The following VPS11 variants were observed in gnomAD, a reference collection of about 807,000 sequenced individuals.
The protein encoded by VPS11 is VPS11 core subunit of CORVET and HOPS complexes, also known as vacuolar protein sorting-associated protein 11 homolog.
VPS11 carries 51 observed loss-of-function variants against 106.8 expected under a neutral mutation model. The ratio of observed to expected loss-of-function variants is 0.48; its 90% CI spans 0.38 to 0.60. The LOEUF is 0.60. Among genes scored for constraint, VPS11 ranks in the 20% least tolerant of loss-of-function variants. The pLI is 0.00. For missense variants in VPS11, 950 were observed against 1,190.0 expected, an observed-to-expected ratio of 0.80 and a Z score of 2.97; for synonymous variants, 453 against 458.7, an observed-to-expected ratio of 0.99 and a Z score of 0.16.
Position 119,078,911 on chromosome 11 carries a change from T to A in VPS11, c.2180T>A (p.Phe727Tyr). The A allele has an allele frequency of 6.2e-7, 1 of 1,613,976 alleles. No homozygotes were observed. The highest frequency in any genetic ancestry group is 8.5e-7 in the Non-Finnish European group (1 of 1,179,880). ...PSLWEQALSY[F>Y]ARKEEDCKEY... Reference sequence around the variant, plus strand: ...TTGTGGGAGCAGGCCCTCAGCTACTTCGCTCGCAAGGAGGAGGACTGCAAG... The same window carrying A: ...TTGTGGGAGCAGGCCCTCAGCTACTACGCTCGCAAGGAGGAGGACTGCAAG... The change falls in exon 13 of 16, where the codon TTC becomes TAC. Residue 727 changes from phenylalanine to tyrosine, a missense_variant. Physicochemically the swap from Phe to Tyr is conservative, Grantham distance 22. This residue lies in a region of VPS11 where 453 missense variants were observed against 514.6 expected (regional missense o/e 0.88). Coordinates refer to ENST00000621676, the MANE Select transcript of VPS11 (RefSeq NM_021729.6).
At position 119,073,036 on chromosome 11, in the gene VPS11, C is replaced by T; in HGVS notation, c.885-162C>T. On this transcript the variant is annotated intron_variant, in intron 5 of 15. Transcript: ENST00000621676. Reference sequence around the variant, plus strand: ...GGGTAAGATCAGGTTTATGTGTTCTCTATGTACAACTACCGGCACAGCGCT... The same window carrying T: ...GGGTAAGATCAGGTTTATGTGTTCTTTATGTACAACTACCGGCACAGCGCT... 2.7e-6 allele frequency: 2 copies of T among 735,006 alleles called. 1 individual carries two copies. Among genetic ancestry groups the T allele is most frequent in the East Asian group, 5.4e-5 (2 of 36,904 alleles). The allele number at this position is 735,006 out of a possible 1,614,324, so 45.5% of individuals were successfully genotyped here.
chr11:119,077,037 G>C lies in VPS11; in HGVS notation c.1379G>C (p.Cys460Ser). ...NADHTTLLLNCYTKLKDSSKL... is the reference protein window; with the variant it reads ...NADHTTLLLNSYTKLKDSSKL... The stretch of plus-strand genomic sequence containing the variant: ...GACCATACCACCCTGCTCCTCAACT[G>C]CTATACCAAGCTCAAGGACAGCTCG... The change falls in exon 8 of 16, where the codon TGC becomes TCC. Residue 460 changes from cysteine to serine, a missense_variant. Coordinates refer to ENST00000621676, the MANE Select transcript of VPS11 (RefSeq NM_021729.6). 6.2e-7 allele frequency: 1 copy of C among 1,613,714 alleles called. No individual in the cohort carries two copies. Among genetic ancestry groups the C allele is most frequent in the Non-Finnish European group, 8.5e-7 (1 of 1,179,762 alleles).
chr11:119,078,015 T>C lies in VPS11; in HGVS notation c.1710T>C (p.Asp570=), dbSNP rs547189232. ...AGTTGCTGAAGGGACTTTGTACTGATTATCGGCCCAGCCTCGAAGGCCGCA... is the reference window on the plus strand; with the variant it reads ...AGTTGCTGAAGGGACTTTGTACTGACTATCGGCCCAGCCTCGAAGGCCGCA... ...TTQLLKGLCT[D]YRPSLEGRSD... is the part of the protein sequence containing the mutation. Residue 570 remains aspartate (D), a synonymous_variant, in exon 10 of 16, where the codon GAT becomes GAC. Transcript: ENST00000621676. The C allele has an allele frequency of 6.2e-7, 1 of 1,613,446 alleles. No homozygotes were observed. Among genetic ancestry groups the C allele is most frequent in the East Asian group, 2.2e-5 (1 of 44,884 alleles).
At chr11:119,075,816 C>G (rs973451739) in intron 7 of VPS11, among the ~76,000 whole-genome samples, 3 of 151,250 alleles carry the variant, frequency 2.0e-5, no homozygotes, top group Admixed American at 2.0e-4. Context: ...GCAGGAGATT[C>G]ACTTGAACCT....
intron 5 of VPS11, chr11:119,072,365 T>C (rs1227213947): frequency 6.4e-6 from 1 of 157,274 alleles, no homozygotes; most frequent in Admixed American, 6.0e-5. Context: ...CATACTAGAA[T>C]GCTCCAGGGA....
At chr11:119,075,264 CA>C (rs533933871) in intron 7 of VPS11, among the ~76,000 whole-genome samples, 28 of 144,212 alleles carry the variant, frequency 1.9e-4, no homozygotes, top group South Asian at 2.2e-4. Flanking sequence ...AGGACTGTCT[CA>C]AAAAAAAAAA....
chr11:119,081,163 T>C lies in VPS11; in HGVS notation c.2510T>C (p.Leu837Pro). The C allele has an allele frequency of 6.2e-7, 1 of 1,614,084 alleles. No individual in the cohort carries two copies. Among genetic ancestry groups the C allele is most frequent in the Non-Finnish European group, 8.5e-7 (1 of 1,179,910 alleles). Residue 837 changes from leucine to proline, a missense_variant, in exon 15 of 16, where the codon CTG becomes CCG. By Grantham distance (98) the Leu-to-Pro change is moderately conservative. This residue lies in a region of VPS11 where 453 missense variants were observed against 514.6 expected (regional missense o/e 0.88). Coordinates refer to ENST00000621676, the MANE Select transcript of VPS11 (RefSeq NM_021729.6). ...TTGGAGTTGCCCTCAGTCCACTTCC[T>C]GTGTGGCCACTCCTTCCACCAACAC... ...SALELPSVHF[L>P]CGHSFHQHCF...
rs369389837 is a variant in VPS11 at position 119,070,391 on chromosome 11, C to T, written c.630C>T (p.Asn210=). The part of the protein sequence containing the change: ...TTHLFVVTTE[N]VQSYIVSGKD... ...ACTTGTTTGTTGTGACAACAGAGAA[C>T]GTCCAGGTATGACCAAGGCCTCCAC... Residue 210 remains asparagine, a synonymous_variant, in exon 4 of 16, where the codon AAC becomes AAT. Transcript: ENST00000621676. The T allele has an allele frequency of 9.9e-6, 16 of 1,612,186 alleles. No individual in the cohort carries two copies. The highest frequency in any genetic ancestry group is 5.0e-5 in the Admixed American group (3 of 59,890).
Position 119,081,583 on chromosome 11 carries a change from T to G in VPS11, c.2786T>G (p.Leu929Arg), listed in dbSNP as rs1451993436. Residue 929 changes from leucine to arginine, a missense_variant, in exon 16 of 16, where the codon CTG becomes CGG. Coordinates refer to ENST00000621676, the MANE Select transcript of VPS11 (RefSeq NM_021729.6). ...ARLTSSLEAG[L>R]QRDLLMHSRR... Reference sequence around the variant, plus strand: ...CTGACCTCCAGCCTGGAGGCTGGGCTGCAACGCGACCTACTCATGCACTCC... The same window carrying G: ...CTGACCTCCAGCCTGGAGGCTGGGCGGCAACGCGACCTACTCATGCACTCC... 6.2e-7 allele frequency: 1 copy of G among 1,613,988 alleles called. No individual in the cohort carries two copies. Among genetic ancestry groups the G allele is most frequent in the Admixed American group, 1.7e-5 (1 of 60,022 alleles).
chr11:119,078,701 A>G lies in VPS11; in HGVS notation c.2060A>G (p.Lys687Arg). ...GTCCTTTACCTTTATGAGCAGGGGA[A>G]GCTGTAAGAGTTTGGGGAATTTCAG... is the stretch of plus-strand genomic sequence containing the variant. ...DGVLYLYEQGKLFQQIMHYHM... is the reference protein window; with the variant it reads ...DGVLYLYEQGRLFQQIMHYHM... Residue 687 changes from lysine (K) to arginine (R), a missense_variant, in exon 12 of 16, where the codon AAG becomes AGG. Coordinates refer to ENST00000621676, the MANE Select transcript of VPS11 (RefSeq NM_021729.6). 1 of 1,610,736 alleles carries G rather than the reference A, an allele frequency of 6.2e-7. No individual in the cohort carries two copies. The highest frequency in any genetic ancestry group is 8.5e-7 in the Non-Finnish European group (1 of 1,177,784).
Position 119,077,963 on chromosome 11 carries a change from T to C in VPS11, c.1658T>C (p.Met553Thr), listed in dbSNP as rs1288665310. The C allele has an allele frequency of 5.0e-6, 8 of 1,613,884 alleles. No individual in the cohort carries two copies. The highest frequency in any genetic ancestry group is 1.7e-5 in the Admixed American group (1 of 60,012). The part of the protein sequence containing the change: ...SNMKRYGKIL[M>T]HHIPEQTTQL... ...ATGAAGCGCTACGGCAAGATCCTCA[T>C]GCACCACATACCAGAGCAGACAACT... is the stretch of plus-strand genomic sequence containing the variant. The change falls in exon 10 of 16, where the codon ATG becomes ACG. Residue 553 changes from methionine to threonine, a missense_variant. Physicochemically the swap from Met to Thr is moderately conservative, Grantham distance 81. Transcript: ENST00000621676.
At chr11:119,077,355 GAA>G (rs1945662179) in intron 8 of VPS11, 144 bp from the exon 9 acceptor site, 2 of 1,251,130 alleles carry the variant, frequency 1.6e-6, no homozygotes, top group Admixed American at 2.7e-5. Flanking sequence ...ACTTTAGTCA[GAA>G]ACTCCCACAG....
intron 1 of VPS11, 111 bp from the exon 2 acceptor site, chr11:119,069,085 G>A: frequency 7.3e-7 from 1 of 1,376,594 alleles, no homozygotes; most frequent in African/African-American, 1.5e-5. Flanking sequence ...TAAGGAGTAT[G>A]TGGGAAAATC....
Position 119,081,077 on chromosome 11 carries a change from C to T in VPS11, c.2439-15C>T, listed in dbSNP as rs1325149644. The T allele has an allele frequency of 1.2e-6, 2 of 1,611,446 alleles. No homozygotes were observed. The highest frequency in any genetic ancestry group is 2.7e-5 in the African/African-American group (2 of 74,902). On this transcript the variant is annotated splice_polypyrimidine_tract_variant and intron_variant, in intron 14 of 15. Transcript: ENST00000621676. ...CTCACTTTTGCCACTCACTTCTGGT[C>T]TTTCTTCCCTGTAGTCCTAAGATTT...
rs1284127268 is a variant in VPS11, at chr11:119,081,681, A to G, written c.*58A>G. ...GGACCAAGAGAACAGACACAATGGG[A>G]CCTGGGCGGGCGTTACACAGAAGGC... On this transcript the variant is annotated 3_prime_UTR_variant, in exon 16 of 16. Coordinates refer to ENST00000621676, the MANE Select transcript of VPS11 (RefSeq NM_021729.6). The G allele has an allele frequency of 6.3e-7, 1 of 1,587,382 alleles. No homozygotes were observed. Among genetic ancestry groups the G allele is most frequent in the Non-Finnish European group, 8.6e-7 (1 of 1,165,302 alleles).
chr11:119,076,918 A>G lies in VPS11; in HGVS notation c.1260A>G (p.Pro420=), dbSNP rs781848143. 2 of 1,614,018 alleles carry G rather than the reference A, an allele frequency of 1.2e-6. No individual in the cohort carries two copies. The highest frequency in any genetic ancestry group is 1.1e-5 in the South Asian group (1 of 91,070). The change falls in exon 8 of 16, where the codon CCA becomes CCG. Residue 420 remains proline, a synonymous_variant. Transcript: ENST00000621676. ...QYIRTIGKLE[P]SYVIRKFLDA... Reference sequence around the variant, plus strand: ...CTAGAACCATTGGAAAGTTGGAGCCATCCTACGTGATCCGCAAGTTTCTGG... The same window carrying G: ...CTAGAACCATTGGAAAGTTGGAGCCGTCCTACGTGATCCGCAAGTTTCTGG...
At chr11:119,070,475 A>G in intron 4 of VPS11, 78 bp downstream of exon 4, 1 of 1,392,154 alleles carries the variant, frequency 7.2e-7, no homozygotes, top group Non-Finnish European at 9.6e-7. Context: ...TAATGAAGTG[A>G]CAGGAAAGGT....
intron 2 of VPS11, 29 bp downstream of exon 2, chr11:119,069,373 T>A (rs1287968315): frequency 1.2e-6 from 2 of 1,613,848 alleles, no homozygotes; most frequent in East Asian, 2.2e-5. Context: ...ATGGGAAAGA[T>A]CCAGAAGCCT....
intron 1 of VPS11, among the ~76,000 whole-genome samples, chr11:119,068,844 C>T (rs1945236795): frequency 6.6e-6 from 1 of 151,868 alleles, no homozygotes; most frequent in Admixed American, 6.6e-5. Flanking sequence ...CTCCGCCTCC[C>T]GGGTTCAAGC....
Sources: allele counts gnomAD v4.1 joint callset (sites outside exome capture counted in the v4.1 genomes callset), GRCh38; gene constraint gnomAD v4.1.1; regional missense constraint gnomAD v4.1.1; transcripts MANE v1.5; gene names NCBI Gene and HGNC (gene_info 2026-07-23, HGNC 2026-07-21).